TBC1D22A: variants seen among roughly 807,000 people sequenced by gnomAD.
The protein encoded by TBC1D22A is TBC1 domain family member 22A.
A neutral mutation model predicts 60.2 loss-of-function variants in TBC1D22A; 38 were observed. That is an observed-to-expected ratio of 0.63 (90% CI 0.49 to 0.83). The LOEUF (loss-of-function observed/expected upper bound fraction) is 0.83. Among genes scored for constraint, TBC1D22A ranks in the 40% least tolerant of loss-of-function variants. The pLI is 0.00. For synonymous variants in TBC1D22A, 302 were observed against 281.7 expected, an observed-to-expected ratio of 1.07 and a Z score of -0.72; for missense variants, 628 against 701.0, an observed-to-expected ratio of 0.90 and a Z score of 1.18.
rs1039556418 is a variant in TBC1D22A at position 47,009,735 on chromosome 22, C to T, written c.1201+12026C>T. Among the ~76,000 whole-genome samples the T allele has an allele frequency of 6.6e-6, 1 of 152,204 alleles. No homozygotes were observed. On this transcript the variant is annotated intron_variant, in intron 10 of 12. Coordinates refer to ENST00000337137, the MANE Select transcript of TBC1D22A (RefSeq NM_014346.5). This position sits in a 1 kb window ranked among gnomAD's most constrained non-coding sequence, Gnocchi z 5.8. The stretch of plus-strand genomic sequence containing the variant: ...ATCATCACTATCACCATCATTTCCT[C>T]ACCATCATCACCATCAACAAACTGT...
intron 4 of TBC1D22A, among the ~76,000 whole-genome samples, chr22:46,828,467 A>G (rs1035353564): frequency 7.2e-5 from 11 of 152,138 alleles, no homozygotes; most frequent in East Asian, 1.9e-4. Flanking sequence ...GCATTTCTCT[A>G]CCCACTCCCA....
chr22:46,775,557 T>C (rs1239435136), intron 1 of TBC1D22A, among the ~76,000 whole-genome samples: 1 of 152,216 alleles, frequency 6.6e-6, no homozygotes, highest in Non-Finnish European at 1.5e-5. Context: ...AGGTGATTCC[T>C]GTGCGGCCAC....
chr22:46,788,059 C>T (rs186910542), intron 1 of TBC1D22A, among the ~76,000 whole-genome samples: 3 of 151,758 alleles, frequency 2.0e-5, no homozygotes, highest in African/African-American at 7.3e-5. Context: ...GCCTCAGCCT[C>T]CTAAGTAGCT....
chr22:46,962,719 T>TA (rs2073575986), intron 8 of TBC1D22A, among the ~76,000 whole-genome samples: 4 of 152,230 alleles, frequency 2.6e-5, no homozygotes, highest in Admixed American at 2.6e-4. Flanking sequence ...AGATCCCTGT[T>TA]ACAAACGTCA....
chr22:47,050,236 C>G (rs908543192), intron 11 of TBC1D22A, among the ~76,000 whole-genome samples: 3 of 151,960 alleles, frequency 2.0e-5, no homozygotes, highest in Non-Finnish European at 2.9e-5. Context: ...AACTCCTGAC[C>G]TCAAGTGATC....
intron 8 of TBC1D22A, among the ~76,000 whole-genome samples, chr22:46,925,635 A>G (rs2147863992): frequency 6.6e-6 from 1 of 152,352 alleles, no homozygotes; most frequent in South Asian, 2.1e-4. Context: ...TAGCTATTAT[A>G]TTATGCATGC....
intron 8 of TBC1D22A, among the ~76,000 whole-genome samples, chr22:46,957,731 G>C (rs1466617386): frequency 6.6e-6 from 1 of 152,252 alleles, no homozygotes; most frequent in African/African-American, 2.4e-5. Flanking sequence ...CGCCAGAGAC[G>C]CCATGCTGGG....
At chr22:47,114,349 G>C (rs962760964) in intron 12 of TBC1D22A, among the ~76,000 whole-genome samples, 2 of 152,076 alleles carry the variant, frequency 1.3e-5, no homozygotes, top group Non-Finnish European at 2.9e-5. Flanking sequence ...GGGAGGAGGC[G>C]CTGGCAGAGG....
intron 4 of TBC1D22A, among the ~76,000 whole-genome samples, chr22:46,801,509 T>G (rs2084895076): frequency 6.6e-6 from 1 of 152,274 alleles, no homozygotes; most frequent in Non-Finnish European, 1.5e-5. Flanking sequence ...CTCATTTTAC[T>G]CTTAGCATTG....
At chr22:47,060,638 G>A (rs1038580247) in intron 11 of TBC1D22A, among the ~76,000 whole-genome samples, 5 of 152,152 alleles carry the variant, frequency 3.3e-5, no homozygotes, top group African/African-American at 1.2e-4. Flanking sequence ...TGCTGTGTTG[G>A]TCAGGCTGGT....
chr22:47,052,928 G>C (rs775898290), intron 11 of TBC1D22A, among the ~76,000 whole-genome samples: 15 of 152,236 alleles, frequency 9.9e-5, no homozygotes, highest in Admixed American at 5.2e-4. Flanking sequence ...TGGGGTCTTG[G>C]TGTAAACCTG....
intron 8 of TBC1D22A, among the ~76,000 whole-genome samples, chr22:46,944,188 G>A (rs2072361660): frequency 6.6e-6 from 1 of 152,172 alleles, no homozygotes; most frequent in African/African-American, 2.4e-5. Flanking sequence ...CCACATCCCT[G>A]TCAGCACTTA....
intron 1 of TBC1D22A, among the ~76,000 whole-genome samples, chr22:46,768,815 T>C (rs2146688513): frequency 6.6e-6 from 1 of 152,142 alleles, no homozygotes; most frequent in Admixed American, 6.5e-5. Context: ...TGGTGGTGGC[T>C]GGGCGCTCTG....
chr22:47,060,355 C>T (rs1259431233), intron 11 of TBC1D22A, among the ~76,000 whole-genome samples: 1 of 151,514 alleles, frequency 6.6e-6, no homozygotes, highest in Non-Finnish European at 1.5e-5. Context: ...GATTCTTCTG[C>T]CTCAGCCTCC....
chr22:46,997,720 T>C lies in TBC1D22A; in HGVS notation c.1201+11T>C. ...TGAGCCGGATTGATGGTAAGCCAGC[T>C]TCCCGCGCAGCCCCTCTCTGTGGGC... On this transcript the variant is annotated intron_variant, in intron 10 of 12. Transcript: ENST00000337137. The C allele has an allele frequency of 6.2e-7, 1 of 1,613,770 alleles. No homozygotes were observed. The highest frequency in any genetic ancestry group is 1.1e-5 in the South Asian group (1 of 91,072).
chr22:47,145,648 A>G (rs2067260790), intron 12 of TBC1D22A, among the ~76,000 whole-genome samples: 1 of 152,162 alleles, frequency 6.6e-6, no homozygotes. Flanking sequence ...CTTGTTTTAG[A>G]GTTTTTTATG....
At chr22:46,812,515 C>T (rs1482472449) in intron 4 of TBC1D22A, among the ~76,000 whole-genome samples, 1 of 152,176 alleles carries the variant, frequency 6.6e-6, no homozygotes, top group East Asian at 1.9e-4. Context: ...GCCTCACAGC[C>T]TCGTCAGCCA....
chr22:47,096,809 G>A (rs762465376), intron 11 of TBC1D22A, among the ~76,000 whole-genome samples: 6 of 152,138 alleles, frequency 3.9e-5, no homozygotes, highest in Admixed American at 6.5e-5. Context: ...GTGGCAGAGC[G>A]AGACTCTGTC....
intron 12 of TBC1D22A, among the ~76,000 whole-genome samples, chr22:47,141,255 CAT>C (rs1003843506): frequency 2.6e-5 from 4 of 152,126 alleles, no homozygotes; most frequent in Non-Finnish European, 5.9e-5. Flanking sequence ...CCTCCCATGA[CAT>C]GTGGGGATTG....
Sources: gnomAD v4.1 joint callset for allele counts (sites outside exome capture counted in the v4.1 genomes callset) on GRCh38, gnomAD v4.1.1 for gene constraint, Gnocchi (gnomAD v3.1) non-coding constraint, MANE v1.5 for transcripts, NCBI Gene and HGNC (gene_info 2026-07-23, HGNC 2026-07-21) for gene names.